CBFA2T3: variants seen among roughly 807,000 people sequenced by gnomAD.
CBFA2T3 encodes CBFA2/RUNX1 partner transcriptional co-repressor 3, also known as transcriptional corepressor CBFA2T3.
Under a neutral mutation model 58.6 loss-of-function variants are expected in CBFA2T3, and 31 were observed. The ratio of observed to expected loss-of-function variants is 0.53; its 90% CI spans 0.40 to 0.71. The LOEUF is 0.71. Ranked by LOEUF, CBFA2T3 falls within the 30% of genes least tolerant of loss-of-function variation. CBFA2T3 has a pLI of 0.00. For missense variants in CBFA2T3, 1,076 were observed against 963.1 expected, an observed-to-expected ratio of 1.12 and a Z score of -1.55; for synonymous variants, 531 against 421.9, an observed-to-expected ratio of 1.26 and a Z score of -3.17.
At chr16:88,960,274 G>A (rs1391584347) in intron 1 of CBFA2T3, among the ~76,000 whole-genome samples, 1 of 152,182 alleles carries the variant, frequency 6.6e-6, no homozygotes, top group Non-Finnish European at 1.5e-5. Context: ...GTTCAATGTG[G>A]ACGGCATCTG....
At chr16:88,880,036 C>T (rs1969004650) in intron 10 of CBFA2T3, 1 of 157,152 alleles carries the variant, frequency 6.4e-6, no homozygotes. Context: ...CATCCTTTAA[C>T]CTGGCTGGCC....
At position 88,892,367 on chromosome 16, in the gene CBFA2T3, G is replaced by C. The variant is rs1969670585; in HGVS notation, c.498C>G (p.Pro166=). 3 of 1,613,482 alleles carry C rather than the reference G, an allele frequency of 1.9e-6. No individual in the cohort carries two copies. Among genetic ancestry groups the C allele is most frequent in the Non-Finnish European group, 2.5e-6 (3 of 1,179,990 alleles). The part of the protein sequence containing the change: ...STASLSTQHL[P]PACGARQLSK... ...TGAGCTGCCGGGCCCCGCAGGCTGG[G>C]GGCAGGTGCTGTGTGGACAAGGAGG... The change falls in exon 4 of 12, where the codon CCC becomes CCG. Residue 166 remains proline, a synonymous_variant. Coordinates refer to ENST00000268679, the MANE Select transcript of CBFA2T3 (RefSeq NM_005187.6).
chr16:88,925,736 C>A (rs1203499103), intron 1 of CBFA2T3, among the ~76,000 whole-genome samples: 1 of 152,204 alleles, frequency 6.6e-6, no homozygotes, highest in Non-Finnish European at 1.5e-5. Context: ...CCGCCGGGAG[C>A]CCCTGCGTGT....
intron 1 of CBFA2T3, among the ~76,000 whole-genome samples, chr16:88,931,930 C>T (rs1326084423): frequency 2.0e-5 from 3 of 152,108 alleles, no homozygotes; most frequent in Non-Finnish European, 4.4e-5. Flanking sequence ...GGAACATTCT[C>T]TGAGGCTGGC....
intron 1 of CBFA2T3, among the ~76,000 whole-genome samples, chr16:88,907,316 C>T (rs1970371848): frequency 6.6e-6 from 1 of 152,136 alleles, no homozygotes; most frequent in South Asian, 2.1e-4. Flanking sequence ...CTGTGGCCTA[C>T]ACAAGTATCC....
intron 1 of CBFA2T3, among the ~76,000 whole-genome samples, chr16:88,910,099 C>T (rs1335639940): frequency 4.6e-5 from 7 of 152,354 alleles, no homozygotes; most frequent in Middle Eastern, 6.8e-3. Context: ...TCTGGCCTAA[C>T]CACACGCACT....
At chr16:88,890,647 C>T (rs899713988) in intron 5 of CBFA2T3, among the ~76,000 whole-genome samples, 4 of 152,246 alleles carry the variant, frequency 2.6e-5, no homozygotes, top group African/African-American at 7.2e-5. Flanking sequence ...ACGGCACTCC[C>T]GTGCCCGTCC....
chr16:88,957,371 G>C (rs1972244273), intron 1 of CBFA2T3, among the ~76,000 whole-genome samples: 1 of 152,258 alleles, frequency 6.6e-6, no homozygotes, highest in Non-Finnish European at 1.5e-5. Context: ...ACATGGCAGA[G>C]CACTCTCCGT....
At chr16:88,940,745 G>A in intron 1 of CBFA2T3, among the ~76,000 whole-genome samples, 1 of 152,070 alleles carries the variant, frequency 6.6e-6, no homozygotes, top group Non-Finnish European at 1.5e-5. Context: ...GGAAAACCGG[G>A]CGGCCCCAGG....
intron 1 of CBFA2T3, among the ~76,000 whole-genome samples, chr16:88,916,682 C>T (rs1317732429): frequency 6.6e-6 from 1 of 152,092 alleles, no homozygotes; most frequent in Non-Finnish European, 1.5e-5. Flanking sequence ...GGCTCCTTTG[C>T]CTTCCCTCCT....
intron 3 of CBFA2T3, 131 bp downstream of exon 3, chr16:88,897,945 AAC>A: frequency 1.4e-6 from 1 of 711,708 alleles, no homozygotes; most frequent in South Asian, 1.6e-5. Context: ...AGACCAACAC[AAC>A]AGAGGCAATG....
At chr16:88,900,245 G>A (rs1240528708) in intron 2 of CBFA2T3, among the ~76,000 whole-genome samples, 2 of 152,254 alleles carry the variant, frequency 1.3e-5, no homozygotes, top group African/African-American at 4.8e-5. Context: ...GCCTCTGGGC[G>A]GCACACCTGG....
At position 88,897,643 on chromosome 16, in the gene CBFA2T3, CG is replaced by C. The variant is rs796511699; in HGVS notation, c.379+434del. On this transcript the variant is annotated intron_variant, in intron 3 of 11. Transcript: ENST00000268679. The stretch of plus-strand genomic sequence containing the variant: ...TTTTACAGGTGGGGAAACTGAGGCA[CG>C]GGGGGTGGTACCTGGCCAAGGTCAC... 6.6e-5 allele frequency among the ~76,000 whole-genome samples: 10 copies of C among 152,162 alleles called. No individual in the cohort carries two copies. In the South Asian group the frequency reaches 1.2e-3, roughly 19 times the overall value.
intron 11 of CBFA2T3, among the ~76,000 whole-genome samples, chr16:88,877,847 G>A (rs1321758488): frequency 6.6e-6 from 1 of 152,246 alleles, no homozygotes; most frequent in Non-Finnish European, 1.5e-5. Flanking sequence ...GCCACACAAA[G>A]CCTGAGCATA....
At chr16:88,883,901 G>A (rs1393758516) in intron 7 of CBFA2T3, 2 of 152,268 alleles carry the variant, frequency 1.3e-5, no homozygotes, top group East Asian at 1.9e-4. Context: ...CACTGCCCAC[G>A]CTTCTGGGGC....
intron 1 of CBFA2T3, among the ~76,000 whole-genome samples, chr16:88,947,934 A>C (rs189935628): frequency 1.7e-3 from 257 of 152,306 alleles, no homozygotes; most frequent in African/African-American, 5.5e-3. Flanking sequence ...ATAAAGATAC[A>C]AAGTAAATTT....
At chr16:88,922,028 G>A (rs952882476) in intron 1 of CBFA2T3, among the ~76,000 whole-genome samples, 2 of 152,262 alleles carry the variant, frequency 1.3e-5, no homozygotes, top group African/African-American at 4.8e-5. Flanking sequence ...AGGCCAGGGT[G>A]AGCCGTGAGC....
intron 1 of CBFA2T3, among the ~76,000 whole-genome samples, chr16:88,917,735 A>C (rs2142726628): frequency 6.6e-6 from 1 of 152,272 alleles, no homozygotes; most frequent in African/African-American, 2.4e-5. Context: ...GAAGTGCCAG[A>C]ATGTTCCCCC....
At chr16:88,941,117 C>A (rs1252378668) in intron 1 of CBFA2T3, 1 of 984,130 alleles carries the variant, frequency 1.0e-6, no homozygotes, top group African/African-American at 1.8e-5. Context: ...CCCGCCTCCA[C>A]GACTCAGGGG....
Sources: gnomAD v4.1 joint callset for allele counts (sites outside exome capture counted in the v4.1 genomes callset) on GRCh38, gnomAD v4.1.1 for gene constraint, MANE v1.5 for transcripts, NCBI Gene and HGNC (gene_info 2026-07-23, HGNC 2026-07-21) for gene names.